TNRC6B: variants seen among roughly 807,000 people sequenced by gnomAD.
TNRC6B encodes trinucleotide repeat containing adaptor 6B, also known as trinucleotide repeat-containing gene 6B protein.
TNRC6B carries 52 observed loss-of-function variants against 203.6 expected under a neutral mutation model. The observed-to-expected ratio is 0.26, with a 90% CI of 0.20 to 0.32. The LOEUF (loss-of-function observed/expected upper bound fraction) is 0.32, where lower values mean the gene tolerates loss of function less well. Ranked by LOEUF, TNRC6B falls within the 10% of genes least tolerant of loss-of-function variation. The pLI is 1.00. For missense variants in TNRC6B, 1,923 were observed against 2,286.2 expected, an observed-to-expected ratio of 0.84 and a Z score of 3.24; for synonymous variants, 838 against 845.7, an observed-to-expected ratio of 0.99 and a Z score of 0.16.
rs2069871377 is a variant in TNRC6B, at chr22:40,231,612, G to A, written c.6-14403G>A. ...TATTGATCTTGTATTTTGCAGCCTTGTTAAACTCACTTATTAATTTTGGTA... is the reference window on the plus strand; with the variant it reads ...TATTGATCTTGTATTTTGCAGCCTTATTAAACTCACTTATTAATTTTGGTA... On this transcript the variant is annotated intron_variant, in intron 1 of 22. Coordinates refer to ENST00000454349, the MANE Select transcript of TNRC6B (RefSeq NM_001162501.2). Among the ~76,000 whole-genome samples the A allele has an allele frequency of 5.3e-5, 8 of 152,164 alleles. No individual in the cohort carries two copies. The South Asian group carries it at 1.7e-3, about 32-fold the overall frequency.
chr22:40,243,671 G>A (rs959649970), intron 1 of TNRC6B, among the ~76,000 whole-genome samples: 24 of 151,792 alleles, frequency 1.6e-4, no homozygotes, highest in African/African-American at 4.6e-4. Flanking sequence ...TACAACCTCC[G>A]CCTCCCAGGT....
chr22:40,066,245 A>C (rs1351698712), intron 1 of TNRC6B, among the ~76,000 whole-genome samples: 2 of 152,104 alleles, frequency 1.3e-5, no homozygotes, highest in Non-Finnish European at 2.9e-5. Context: ...TCACTGTCCC[A>C]TGCTGCCTGT....
intron 7 of TNRC6B, among the ~76,000 whole-genome samples, chr22:40,274,712 C>T (rs746895635): frequency 3.3e-5 from 5 of 152,126 alleles, no homozygotes; most frequent in Non-Finnish European, 5.9e-5. Flanking sequence ...TGAGCCTCTG[C>T]GCCCAGCCTA....
chr22:40,265,459 C>T lies in TNRC6B; in HGVS notation c.1229C>T (p.Pro410Leu). ...LGNTSRSTDA[P>L]SQSTGDRKTG... ...AACACCTCCAGGAGCACTGATGCCC[C>T]TTCACAAAGCACTGGAGATCGAAAG... The change falls in exon 5 of 23, where the codon CCT becomes CTT. Residue 410 changes from proline to leucine, a missense_variant. Physicochemically the swap from Pro to Leu is moderately conservative, Grantham distance 98 (BLOSUM62 -3). Around this residue, in one of 8 missense-constraint regions of TNRC6B, gnomAD observed 614 missense variants for 587.7 expected, o/e 1.04. Coordinates refer to ENST00000454349, the MANE Select transcript of TNRC6B (RefSeq NM_001162501.2). 2 of 1,613,996 alleles carry T rather than the reference C, an allele frequency of 1.2e-6. No individual in the cohort carries two copies. Among genetic ancestry groups the T allele is most frequent in the Middle Eastern group, 3.3e-4 (2 of 6,062 alleles).
intron 1 of TNRC6B, among the ~76,000 whole-genome samples, chr22:40,233,786 C>CA: frequency 6.6e-6 from 1 of 152,282 alleles, no homozygotes; most frequent in South Asian, 2.1e-4. Context: ...TTCTGAGCCT[C>CA]ACGTTCTTTT....
At chr22:40,226,558 C>T (rs1224794636) in intron 1 of TNRC6B, among the ~76,000 whole-genome samples, 1 of 152,182 alleles carries the variant, frequency 6.6e-6, no homozygotes, top group Non-Finnish European at 1.5e-5. Flanking sequence ...AAGCGTAGAT[C>T]TGGAAAGGTG....
At chr22:40,187,245 A>G (rs2069216063) in intron 1 of TNRC6B, among the ~76,000 whole-genome samples, 1 of 152,234 alleles carries the variant, frequency 6.6e-6, no homozygotes, top group Admixed American at 6.5e-5. Context: ...AAAATGGTTT[A>G]GCACCATCGC....
chr22:40,286,296 T>C (rs2070780072), intron 12 of TNRC6B, among the ~76,000 whole-genome samples: 1 of 152,126 alleles, frequency 6.6e-6, no homozygotes, highest in Non-Finnish European at 1.5e-5. Context: ...CTGGCCAACA[T>C]GGCGAAACCC....
chr22:40,136,823 CTGAATCA>C (rs1423735719), intron 3 of TNRC6B, among the ~76,000 whole-genome samples: 1 of 152,068 alleles, frequency 6.6e-6, no homozygotes, highest in Non-Finnish European at 1.5e-5. Context: ...TAAATATTTA[CTGAATCA>C]GGAAGCTAAC....
intron 1 of TNRC6B, among the ~76,000 whole-genome samples, chr22:40,050,397 G>A (rs1874945194): frequency 6.6e-6 from 1 of 152,094 alleles, no homozygotes; most frequent in African/African-American, 2.4e-5. Flanking sequence ...CATCTTAACT[G>A]CAAGGTCCTT....
At chr22:40,156,192 A>G (rs769745104) in intron 4 of TNRC6B, 3 of 1,562,420 alleles carry the variant, frequency 1.9e-6, no homozygotes, top group East Asian at 2.4e-5. Flanking sequence ...AGTGAGTCAC[A>G]GTTTATTTAA....
At chr22:40,196,717 T>C (rs1024858507) in intron 1 of TNRC6B, among the ~76,000 whole-genome samples, 1 of 152,060 alleles carries the variant, frequency 6.6e-6, no homozygotes, top group Non-Finnish European at 1.5e-5. Context: ...AGGGCAGATG[T>C]GGTTCAGGCT....
rs56078653 is a variant in TNRC6B, at chr22:40,258,071, C to CTTTTTTTTTTTTTTTTTTTTT, written c.116-3751_116-3731dup. On this transcript the variant is annotated intron_variant, in intron 3 of 22. Coordinates refer to ENST00000454349, the MANE Select transcript of TNRC6B (RefSeq NM_001162501.2). ...GAAATCAGAAAATAGGATACACAGC[C>CTTTTTTTTTTTTTTTTTTTTT]TTTTTTTTTTTTTTTTTTTTTTTTT... Among the ~76,000 whole-genome samples the CTTTTTTTTTTTTTTTTTTTTT allele has an allele frequency of 5.2e-4, 15 of 28,712 alleles. 1 individual carries two copies. Among genetic ancestry groups the CTTTTTTTTTTTTTTTTTTTTT allele is most frequent in the South Asian group, 1.7e-3 (1 of 576 alleles). The allele number at this position is 28,712 out of a possible 152,430, so 18.8% of individuals were successfully genotyped here. A position where few individuals can be genotyped will look rare whatever the true frequency, so the allele number is the denominator to read the frequency against.
At position 40,331,830 on chromosome 22, in the gene TNRC6B, G is replaced by A. The variant is rs1452319902; in HGVS notation, c.*8589G>A. 1.6e-5 allele frequency: 6 copies of A among 364,232 alleles called. No homozygotes were observed. The highest frequency in any genetic ancestry group is 4.7e-5 in the Admixed American group (1 of 21,212). 22.6% of individuals were successfully genotyped at this position (364,232 alleles called of 1,614,324 possible). Reference sequence around the variant, plus strand: ...CAGTTTCTGTGTCCATGGTGTCCCCGTGTCCTGGAGGGGAAGGGGAGTGAG... The same window carrying A: ...CAGTTTCTGTGTCCATGGTGTCCCCATGTCCTGGAGGGGAAGGGGAGTGAG... On this transcript the variant is annotated 3_prime_UTR_variant, in exon 23 of 23. Transcript: ENST00000454349.
rs562848471 is a variant in TNRC6B at position 40,120,606 on chromosome 22, T to C, written c.-47+3478T>C. Among the ~76,000 whole-genome samples, 14 of 152,234 alleles carry C rather than the reference T, an allele frequency of 9.2e-5. No homozygotes were observed. The South Asian group carries it at 1.7e-3, about 18-fold the overall frequency. ...AATAATTTGGAAGACAAGGCTGATATGGAAAACTGAACTTAATTCTGAGGA... is the reference window on the plus strand; with the variant it reads ...AATAATTTGGAAGACAAGGCTGATACGGAAAACTGAACTTAATTCTGAGGA... On this transcript the variant is annotated intron_variant, in intron 2 of 23. Coordinates refer to the TNRC6B transcript ENST00000301923.
At chr22:40,299,580 A>G (rs2070995054) in intron 12 of TNRC6B, among the ~76,000 whole-genome samples, 1 of 152,082 alleles carries the variant, frequency 6.6e-6, no homozygotes, top group Non-Finnish European at 1.5e-5. Flanking sequence ...TAAAGAGATG[A>G]TAGCTCGCTA....
chr22:40,242,419 A>G (rs1028524384), intron 1 of TNRC6B, among the ~76,000 whole-genome samples: 1 of 150,990 alleles, frequency 6.6e-6, no homozygotes, highest in Non-Finnish European at 1.5e-5. Flanking sequence ...GGCTGTCATT[A>G]TTCTTTTTTT....
chr22:40,050,878 G>A (rs574998890), intron 1 of TNRC6B, among the ~76,000 whole-genome samples: 1 of 151,306 alleles, frequency 6.6e-6, no homozygotes, highest in South Asian at 2.1e-4. Context: ...AGGCTGGAGT[G>A]TAGTGGCGTG....
rs541428178 is a variant in TNRC6B, at chr22:40,047,871, A to G, written c.-121+2873A>G. ...GCACAGTGCTTGGCACATAGTGGGA[A>G]CACAGAAAACGTTAGTTGACTGACA... On this transcript the variant is annotated intron_variant, in intron 1 of 23. Transcript: ENST00000301923. Among the ~76,000 whole-genome samples, 42 of 152,308 alleles carry G rather than the reference A, an allele frequency of 2.8e-4. 1 individual carries two copies. In the South Asian group the frequency reaches 8.5e-3, roughly 31 times the overall value.
Sources: allele counts gnomAD v4.1 joint callset (sites outside exome capture counted in the v4.1 genomes callset), GRCh38; gene constraint gnomAD v4.1.1; regional missense constraint gnomAD v4.1.1; transcripts MANE v1.5; gene names NCBI Gene and HGNC (gene_info 2026-07-23, HGNC 2026-07-21).